Variants in SGCD observed in about 807,000 individuals in gnomAD.
The protein encoded by SGCD is delta-sarcoglycan.
In SGCD, 18 loss-of-function variants were observed where a neutral mutation model predicts 36.6. The observed-to-expected ratio is 0.49, with a 90% CI of 0.34 to 0.73. SGCD has a LOEUF of 0.73. Ranked by LOEUF, SGCD falls within the 30% of genes least tolerant of loss-of-function variation. SGCD has a pLI of 0.01. For missense variants in SGCD, 387 were observed against 346.7 expected, an observed-to-expected ratio of 1.12 and a Z score of -0.92; for synonymous variants, 133 against 130.6, an observed-to-expected ratio of 1.02 and a Z score of -0.12.
chr5:156,141,167 C>A (rs1312892660), intron 3 of SGCD, among the ~76,000 whole-genome samples: 3 of 152,194 alleles, frequency 2.0e-5, no homozygotes, highest in Non-Finnish European at 4.4e-5. Context: ...GCTGCCTCTA[C>A]CTAAATTTCA....
the SGCD span, among the ~76,000 whole-genome samples, chr5:155,800,496 G>C: frequency 6.6e-6 from 1 of 152,104 alleles, no homozygotes; most frequent in Non-Finnish European, 1.5e-5. Flanking sequence ...AGGTGTTTTG[G>C]CTTTCAGTGT....
chr5:156,393,684 C>A lies in SGCD; in HGVS notation c.192+49007C>A, dbSNP rs1400552964. The A allele has an allele frequency of 6.6e-6, 3 of 453,706 alleles. No homozygotes were observed. In the Admixed American group the frequency reaches 7.1e-5, roughly 11 times the overall value. The allele number at this position is 453,706 out of a possible 1,614,324, so 28.1% of individuals were successfully genotyped here. ...GGCAAGCACTACAAATTAAGATCAT[C>A]CATCTCCCAGAGCCATTGGTACATA... On this transcript the variant is annotated intron_variant, in intron 3 of 8. Coordinates refer to ENST00000337851, the MANE Select transcript of SGCD (RefSeq NM_000337.6).
intron 7 of SGCD, among the ~76,000 whole-genome samples, chr5:156,694,726 C>G (rs1223169244): frequency 6.6e-6 from 1 of 152,182 alleles, no homozygotes; most frequent in Admixed American, 6.5e-5. Context: ...CTCCTCCCCA[C>G]TGCGACATAA....
intron 4 of SGCD, among the ~76,000 whole-genome samples, chr5:156,574,728 C>G (rs1321707662): frequency 1.3e-5 from 2 of 152,152 alleles, no homozygotes; most frequent in Non-Finnish European, 2.9e-5. Flanking sequence ...CAGATTGTAT[C>G]TCTCCCATGA....
At chr5:156,065,356 C>T (rs1358372005) in intron 1 of SGCD, among the ~76,000 whole-genome samples, 1 of 115,826 alleles carries the variant, frequency 8.6e-6, no homozygotes, top group Admixed American at 8.3e-5. Flanking sequence ...TTACTTCCAA[C>T]TATGTGGTCA....
chr5:156,230,121 C>T (rs1281538354), intron 3 of SGCD, among the ~76,000 whole-genome samples: 1 of 152,072 alleles, frequency 6.6e-6, no homozygotes, highest in Non-Finnish European at 1.5e-5. Flanking sequence ...GGTGCTTCCC[C>T]TTTCTCTGGT....
chr5:156,595,358 G>C (rs1760884511), intron 6 of SGCD, among the ~76,000 whole-genome samples: 2 of 152,124 alleles, frequency 1.3e-5, no homozygotes, highest in African/African-American at 2.4e-5. Context: ...ACCTGACCAG[G>C]CTCGTATCTG....
intron 3 of SGCD, among the ~76,000 whole-genome samples, chr5:156,387,056 C>A (rs1427227533): frequency 6.6e-6 from 1 of 152,158 alleles, no homozygotes; most frequent in Non-Finnish European, 1.5e-5. Context: ...ACTGGAGAAC[C>A]ATCAAGCATA....
chr5:156,033,320 T>A (rs1158023290), intron 1 of SGCD, among the ~76,000 whole-genome samples: 1 of 152,172 alleles, frequency 6.6e-6, no homozygotes, highest in African/African-American at 2.4e-5. Flanking sequence ...TTTGTGCTTC[T>A]AGTGTACCCG....
intron 4 of SGCD, among the ~76,000 whole-genome samples, chr5:156,574,728 C>T (rs1321707662): frequency 6.6e-6 from 1 of 152,152 alleles, no homozygotes; most frequent in African/African-American, 2.4e-5. Flanking sequence ...CAGATTGTAT[C>T]TCTCCCATGA....
At chr5:155,959,493 TCTTTAGC>T (rs1384008235) in intron 1 of SGCD, among the ~76,000 whole-genome samples, 1 of 152,162 alleles carries the variant, frequency 6.6e-6, no homozygotes, top group African/African-American at 2.4e-5. Flanking sequence ...CTTTGAATAG[TCTTTAGC>T]CAATTATCCT....
At chr5:156,145,961 A>T (rs377527899) in intron 3 of SGCD, among the ~76,000 whole-genome samples, 15 of 152,172 alleles carry the variant, frequency 9.9e-5, no homozygotes, top group African/African-American at 2.7e-4. Context: ...TGCCTGTAAT[A>T]CCAGCACTTT....
chr5:156,449,852 C>CA (rs10548772), intron 3 of SGCD, among the ~76,000 whole-genome samples: 6,191 of 67,394 alleles, frequency 0.092, 265 homozygotes, highest in East Asian at 0.15. Flanking sequence ...AACTCCATCT[C>CA]AAAAAAAAAA....
In SGCD at chr5:155,963,969, G is replaced by T. The variant is rs73810362; in HGVS notation, c.-282+93545G>T. Among the ~76,000 whole-genome samples the T allele has an allele frequency of 2.4e-4, 37 of 152,148 alleles. 1 individual carries two copies. The highest frequency in any genetic ancestry group is 8.7e-4 in the African/African-American group (36 of 41,516). On this transcript the variant is annotated intron_variant, in intron 1 of 9. Coordinates refer to the SGCD transcript ENST00000517913. Reference sequence around the variant, plus strand: ...ATTTCATACCTCAACAACATTCGTTGTTCCTAACCTGATTTTCTCAGAAGC... The same window carrying T: ...ATTTCATACCTCAACAACATTCGTTTTTCCTAACCTGATTTTCTCAGAAGC...
intron 3 of SGCD, among the ~76,000 whole-genome samples, chr5:156,427,126 C>G (rs1773706679): frequency 6.6e-6 from 1 of 152,048 alleles, no homozygotes; most frequent in East Asian, 1.9e-4. Flanking sequence ...CAGTAGATTC[C>G]TTTGGGCAGT....
the SGCD span, among the ~76,000 whole-genome samples, chr5:155,746,066 G>A: frequency 1.3e-5 from 2 of 152,030 alleles, no homozygotes. Flanking sequence ...GCAAGAAAAT[G>A]GAAATAACCA....
chr5:156,497,127 G>T (rs912664740), intron 3 of SGCD, among the ~76,000 whole-genome samples: 1 of 151,458 alleles, frequency 6.6e-6, no homozygotes, highest in African/African-American at 2.4e-5. Flanking sequence ...TCTTAGCCAG[G>T]ATATTAAAAT....
At chr5:156,095,610 C>T (rs1221371018) in intron 1 of SGCD, among the ~76,000 whole-genome samples, 6 of 152,032 alleles carry the variant, frequency 3.9e-5, no homozygotes, top group East Asian at 1.9e-4. Context: ...CATTCATAAG[C>T]GCGGTGGAAA....
chr5:155,998,774 C>T (rs568952805), intron 1 of SGCD, among the ~76,000 whole-genome samples: 1 of 152,302 alleles, frequency 6.6e-6, no homozygotes, highest in South Asian at 2.1e-4. Flanking sequence ...TTAGTGGAAA[C>T]ACCTGCTCAC....
Sources: allele counts gnomAD v4.1 joint callset (sites outside exome capture counted in the v4.1 genomes callset), GRCh38; gene constraint gnomAD v4.1.1; transcripts MANE v1.5; gene names NCBI Gene and HGNC (gene_info 2026-07-23, HGNC 2026-07-21).